Variants in PRDM6 observed in about 807,000 individuals in gnomAD.
The protein encoded by PRDM6 is putative histone-lysine N-methyltransferase PRDM6.
Under a neutral mutation model 60.8 loss-of-function variants are expected in PRDM6, and 25 were observed. The observed-to-expected ratio is 0.41, with a 90% CI of 0.30 to 0.57. PRDM6 has a LOEUF of 0.57. Ranked by LOEUF, PRDM6 falls within the 20% of genes least tolerant of loss-of-function variation. The pLI is 0.27. For synonymous variants in PRDM6, 407 were observed against 357.4 expected, an observed-to-expected ratio of 1.14 and a Z score of -1.57; for missense variants, 839 against 821.3, an observed-to-expected ratio of 1.02 and a Z score of -0.26.
chr5:123,100,256 A>G (rs1299217812), intron 3 of PRDM6, among the ~76,000 whole-genome samples: 4 of 152,182 alleles, frequency 2.6e-5, no homozygotes, highest in African/African-American at 9.6e-5. Context: ...TCCAGCTGGA[A>G]TGGATTTGAC....
At position 123,167,307 on chromosome 5, in the gene PRDM6, C is replaced by T. The variant is rs186601546; in HGVS notation, c.1154-3459C>T. Among the ~76,000 whole-genome samples, 114 of 152,154 alleles carry T rather than the reference C, an allele frequency of 7.5e-4. 1 individual carries two copies. The highest frequency in any genetic ancestry group is 2.7e-3 in the African/African-American group (112 of 41,428). ...ATTAATCAATCTCTCTTCATCCCTA[C>T]TCCCCTGTCACCCACACATTCTTTT... On this transcript the variant is annotated intron_variant, in intron 5 of 7. Coordinates refer to ENST00000407847, the MANE Select transcript of PRDM6 (RefSeq NM_001136239.4).
Position 123,187,444 on chromosome 5 carries a change from T to C in PRDM6, c.*243T>C. The C allele has an allele frequency of 3.2e-6, 1 of 313,698 alleles. No individual in the cohort carries two copies. Among genetic ancestry groups the C allele is most frequent in the Non-Finnish European group, 6.1e-6 (1 of 164,854 alleles). The allele number at this position is 313,698 out of a possible 1,614,324, so 19.4% of individuals were successfully genotyped here. The stretch of plus-strand genomic sequence containing the variant: ...TCAGTGGACAACTAACCTGGGATGG[T>C]TAACATTTCCAGTCCCACCATGTAT... On this transcript the variant is annotated 3_prime_UTR_variant, in exon 8 of 8. Transcript: ENST00000407847.
At chr5:123,127,191 C>G (rs1034522477) in intron 3 of PRDM6, among the ~76,000 whole-genome samples, 1 of 152,170 alleles carries the variant, frequency 6.6e-6, no homozygotes, top group African/African-American at 2.4e-5. Flanking sequence ...GCACACACCA[C>G]CATGCCTGGC....
intron 3 of PRDM6, among the ~76,000 whole-genome samples, chr5:123,106,029 GT>G (rs1376307705): frequency 2.6e-5 from 4 of 152,252 alleles, no homozygotes; most frequent in African/African-American, 9.6e-5. Context: ...CAGGCTGCCT[GT>G]TCGTACTCTT....
chr5:123,169,392 C>A (rs1263465859), intron 5 of PRDM6, among the ~76,000 whole-genome samples: 6 of 152,172 alleles, frequency 3.9e-5, no homozygotes, highest in Admixed American at 3.9e-4. Flanking sequence ...GTTCTCTCCC[C>A]ACTTCCACTG....
intron 5 of PRDM6, among the ~76,000 whole-genome samples, chr5:123,165,487 G>A (rs888807912): frequency 1.3e-5 from 2 of 152,176 alleles, no homozygotes; most frequent in African/African-American, 4.8e-5. Context: ...CCTTCTGCAT[G>A]ACTTCACACT....
chr5:123,114,199 C>G (rs1764379288), intron 3 of PRDM6, among the ~76,000 whole-genome samples: 1 of 152,322 alleles, frequency 6.6e-6, no homozygotes, highest in Admixed American at 6.5e-5. Flanking sequence ...AGAGGGTCAG[C>G]CTTTCATTGG....
chr5:123,110,592 A>C (rs962785699), intron 3 of PRDM6, among the ~76,000 whole-genome samples: 2 of 96,718 alleles, frequency 2.1e-5, no homozygotes, highest in Admixed American at 1.4e-4. Flanking sequence ...TTTGAGATGG[A>C]GTTTCACTCT....
In PRDM6 at chr5:123,187,786, T is replaced by C. The variant is rs1766322138; in HGVS notation, c.*585T>C. 1 of 152,438 alleles carries C rather than the reference T, an allele frequency of 6.6e-6. No homozygotes were observed. Among genetic ancestry groups the C allele is most frequent in the Non-Finnish European group, 1.5e-5 (1 of 68,106 alleles). The allele number at this position is 152,438 out of a possible 1,614,324, so 9.4% of individuals were successfully genotyped here. A position where few individuals can be genotyped will look rare whatever the true frequency, so the allele number is the denominator to read the frequency against. On this transcript the variant is annotated 3_prime_UTR_variant, in exon 8 of 8. Coordinates refer to ENST00000407847, the MANE Select transcript of PRDM6 (RefSeq NM_001136239.4). Reference sequence around the variant, plus strand: ...TTCCATGCTCACTGCTCATGCACTTTTTACACGGTTTCTTCCAAACAGCCC... The same window carrying C: ...TTCCATGCTCACTGCTCATGCACTTCTTACACGGTTTCTTCCAAACAGCCC...
chr5:123,159,465 A>G (rs528126987), intron 4 of PRDM6, 49 bp from the exon 5 acceptor site: 1 of 1,536,102 alleles, frequency 6.5e-7, no homozygotes, highest in East Asian at 2.5e-5. Context: ...GGATGGGGGC[A>G]CATGAGTCCT....
chr5:123,155,506 G>A (rs1413523645), intron 3 of PRDM6, among the ~76,000 whole-genome samples: 2 of 151,920 alleles, frequency 1.3e-5, no homozygotes, highest in Admixed American at 1.3e-4. Context: ...AGACTGGGGG[G>A]CCTCGAATGT....
At chr5:123,091,412 G>A (rs1378863915) in intron 2 of PRDM6, among the ~76,000 whole-genome samples, 1 of 152,152 alleles carries the variant, frequency 6.6e-6, no homozygotes, top group Non-Finnish European at 1.5e-5. Context: ...AGTAAAAGAC[G>A]CTTACTCCCC....
chr5:123,163,598 C>T (rs1452178841), intron 5 of PRDM6, among the ~76,000 whole-genome samples: 1 of 152,148 alleles, frequency 6.6e-6, no homozygotes, highest in African/African-American at 2.4e-5. Context: ...AAAGAGAGTG[C>T]CTTTCCATCC....
At chr5:123,159,698 T>G in intron 5 of PRDM6, 60 bp downstream of exon 5, 5 of 1,502,556 alleles carry the variant, frequency 3.3e-6, no homozygotes, top group Non-Finnish European at 4.5e-6. Context: ...AAGCTAACTT[T>G]TTAAGAGCTT....
chr5:123,160,216 A>T (rs1765595451), intron 5 of PRDM6, among the ~76,000 whole-genome samples: 1 of 152,248 alleles, frequency 6.6e-6, no homozygotes, highest in Non-Finnish European at 1.5e-5. Flanking sequence ...GAAACATGTA[A>T]TTTTCTCCTA....
intron 3 of PRDM6, among the ~76,000 whole-genome samples, chr5:123,101,485 A>T (rs1764101803): frequency 6.6e-6 from 1 of 152,256 alleles, no homozygotes; most frequent in South Asian, 2.1e-4. Context: ...TAAAGTTTAT[A>T]AAACACTTTT....
Position 123,099,587 on chromosome 5 carries a change from A to G in PRDM6, c.593-67A>G. 1 of 1,386,212 alleles carries G rather than the reference A, an allele frequency of 7.2e-7. No individual in the cohort carries two copies. The highest frequency in any genetic ancestry group is 9.4e-7 in the Non-Finnish European group (1 of 1,058,238). The allele number at this position is 1,386,212 out of a possible 1,614,324, so 85.9% of individuals were successfully genotyped here. A position where few individuals can be genotyped will look rare whatever the true frequency, so the allele number is the denominator to read the frequency against. On this transcript the variant is annotated intron_variant, in intron 2 of 7. Transcript: ENST00000407847. This position sits in a 1 kb window ranked among gnomAD's most constrained non-coding sequence, Gnocchi z 4.0. ...TGCTGTTGTCTCGGGAGTTTACTCA[A>G]AGATGGGCCGCTCGGGGCGGCCGGA...
chr5:123,098,751 T>G (rs973567247), intron 2 of PRDM6, among the ~76,000 whole-genome samples: 1 of 152,208 alleles, frequency 6.6e-6, no homozygotes, highest in African/African-American at 2.4e-5. Flanking sequence ...AGGCTGATCG[T>G]TAAATTTGCT....
chr5:123,117,811 A>T (rs978269301), intron 3 of PRDM6, among the ~76,000 whole-genome samples: 1 of 152,274 alleles, frequency 6.6e-6, no homozygotes, highest in Non-Finnish European at 1.5e-5. Context: ...TATCATACCA[A>T]GAGCTGGACC....
Sources: allele counts gnomAD v4.1 joint callset (sites outside exome capture counted in the v4.1 genomes callset), GRCh38; gene constraint gnomAD v4.1.1; non-coding constraint Gnocchi (gnomAD v3.1); transcripts MANE v1.5; gene names NCBI Gene and HGNC (gene_info 2026-07-23, HGNC 2026-07-21).